The following PCSK4 variants were observed in gnomAD, a reference collection of about 807,000 sequenced individuals.
PCSK4 encodes testicular tissue protein Li 135.
PCSK4 carries 64 observed loss-of-function variants against 80.3 expected under a neutral mutation model. The observed-to-expected ratio is 0.80, with a 90% CI of 0.65 to 0.98. The LOEUF (loss-of-function observed/expected upper bound fraction) is 0.98, where lower values mean the gene tolerates loss of function less well. Ranked by LOEUF, PCSK4 falls within the 50% of genes least tolerant of loss-of-function variation. The probability of loss-of-function intolerance (pLI) is 0.00; values close to 1 mark genes in which losing one functional copy is unlikely to be tolerated. For synonymous variants in PCSK4, 561 were observed against 487.6 expected (o/e 1.15, Z -1.98); for missense variants, 1,213 against 1,093.6 (o/e 1.11, Z -1.54).
rs202052310 is a variant in PCSK4 at position 1,487,723 on chromosome 19, C to T, written c.594-32G>A. ...CCAGGGCCAAGAGGGGCTCCTGTCA[C>T]GGCCTCCATCCCCCTGCCGGGTACT... On this transcript the variant is annotated intron_variant, in intron 5 of 14. Transcript: ENST00000300954. 479 of 1,548,512 alleles carry T rather than the reference C, an allele frequency of 3.1e-4. 1 individual carries two copies. The highest frequency in any genetic ancestry group is 3.8e-4 in the Non-Finnish European group (432 of 1,144,326).
chr19:1,489,932 C>G, intron 1 of PCSK4, 35 bp from the exon 2 acceptor site: 1 of 1,573,162 alleles, frequency 6.4e-7, no homozygotes, highest in Non-Finnish European at 8.6e-7. Flanking sequence ...ACCGATGGGA[C>G]CCGGCTCCCC....
In PCSK4 at chr19:1,484,240, C is replaced by CT; in HGVS notation, c.1069-114_1069-113insA. ...CAGTGGCTCAGGCCTGTCATCCCAG[C>CT]ACTTTGGGAGGCTGAGGCGGGCGTG... On this transcript the variant is annotated intron_variant, in intron 8 of 14. Transcript: ENST00000300954. The CT allele has an allele frequency of 8.0e-6, 5 of 625,166 alleles. No individual in the cohort carries two copies. In the South Asian group the frequency reaches 8.8e-5, roughly 11 times the overall value. 38.7% of individuals were successfully genotyped at this position (625,166 alleles called of 1,614,324 possible). A position where few individuals can be genotyped will look rare whatever the true frequency, so the allele number is the denominator to read the frequency against.
In PCSK4 at chr19:1,483,953, G is replaced by A. The variant is rs1441000470; in HGVS notation, c.1170-12C>T. On this transcript the variant is annotated splice_polypyrimidine_tract_variant and intron_variant, in intron 9 of 14. Transcript: ENST00000300954. Reference sequence around the variant, plus strand: ...ACGTCAGGAACGGGCTGCGGGGGGCGGGGGCGGGGGCGGGTGAGCCGCCGG... The same window carrying A: ...ACGTCAGGAACGGGCTGCGGGGGGCAGGGGCGGGGGCGGGTGAGCCGCCGG... 6 of 1,426,588 alleles carry A rather than the reference G, an allele frequency of 4.2e-6. No individual in the cohort carries two copies. In the East Asian group the frequency reaches 1.2e-4, roughly 28 times the overall value. 88.4% of individuals were successfully genotyped at this position (1,426,588 alleles called of 1,614,324 possible).
intron 6 of PCSK4, 98 bp downstream of exon 6, chr19:1,487,505 G>A (rs2084692467): frequency 2.6e-6 from 3 of 1,132,766 alleles, no homozygotes; most frequent in South Asian, 1.4e-5. Flanking sequence ...ACCCAGCAGT[G>A]AGAGGGTGGG....
chr19:1,483,485 G>T (rs369832743), intron 11 of PCSK4, 22 bp from the exon 12 acceptor site: 76 of 1,288,694 alleles, frequency 5.9e-5, no homozygotes, highest in Admixed American at 9.0e-5. Context: ...GAGGGGTGAG[G>T]ACCCTCCTGC....
At chr19:1,490,104 G>A (rs574662849) in intron 1 of PCSK4, 54 bp downstream of exon 1, 10 of 1,603,454 alleles carry the variant, frequency 6.2e-6, no homozygotes, top group African/African-American at 1.3e-5. Flanking sequence ...CGGGGTCTAG[G>A]GTTGTTCAGT....
At chr19:1,486,919 G>A (rs1178961306) in exon 8 of PCSK4, 2 of 1,604,176 alleles carry the variant, frequency 1.2e-6, no homozygotes, top group Non-Finnish European at 1.7e-6. Flanking sequence ...AGGCTTCGCT[G>A]TACCAGGGCA....
At chr19:1,486,783 G>C (rs1442408588) in intron 8 of PCSK4, 70 bp downstream of exon 8, 2 of 1,299,086 alleles carry the variant, frequency 1.5e-6, no homozygotes, top group African/African-American at 2.9e-5. Context: ...CACAGTGGTG[G>C]GGACAGGAGG....
At chr19:1,484,755 G>A (rs1009889637) in intron 8 of PCSK4, among the ~76,000 whole-genome samples, 1 of 152,048 alleles carries the variant, frequency 6.6e-6, no homozygotes, top group Non-Finnish European at 1.5e-5. Context: ...AGAGGTTGCA[G>A]TGAGCCAAGA....
rs1333997155 is a variant in PCSK4, at chr19:1,483,774, G to A, written c.1274-7C>T. The A allele has an allele frequency of 1.3e-5, 20 of 1,575,276 alleles. No individual in the cohort carries two copies. Among genetic ancestry groups the A allele is most frequent in the Non-Finnish European group, 1.7e-5 (20 of 1,168,342 alleles). On this transcript the variant is annotated splice_region_variant and splice_polypyrimidine_tract_variant and intron_variant, in intron 10 of 14. Transcript: ENST00000300954. ...TATCCGTAGTGATGGCTCACTGCGCGGAAGGGCAGCAGTCACTCGCCCCGT... is the reference window on the plus strand; with the variant it reads ...TATCCGTAGTGATGGCTCACTGCGCAGAAGGGCAGCAGTCACTCGCCCCGT...
chr19:1,487,859 G>T, exon 5 of PCSK4: 2 of 1,544,004 alleles, frequency 1.3e-6, no homozygotes. Flanking sequence ...TGGCCAGGGG[G>T]TCCTGGGGGC....
intron 8 of PCSK4, among the ~76,000 whole-genome samples, chr19:1,484,724 A>C (rs1358739496): frequency 6.6e-6 from 1 of 150,884 alleles, no homozygotes; most frequent in East Asian, 1.9e-4. Flanking sequence ...GAGGCAAGAC[A>C]ATCACTTGAA....
At chr19:1,488,595 T>C (rs1262186009) in intron 2 of PCSK4, among the ~76,000 whole-genome samples, 3 of 152,156 alleles carry the variant, frequency 2.0e-5, no homozygotes, top group African/African-American at 7.2e-5. Context: ...TTTTTTCTTT[T>C]TTTGAGACAG....
exon 7 of PCSK4, chr19:1,487,293 T>C: frequency 6.3e-7 from 1 of 1,596,616 alleles, no homozygotes; most frequent in South Asian, 1.1e-5. Flanking sequence ...TCGGTGATGG[T>C]ACCGTCCAGC....
At chr19:1,482,127 C>T in exon 15 of PCSK4, 10 of 1,555,870 alleles carry the variant, frequency 6.4e-6, no homozygotes, top group Non-Finnish European at 7.8e-6. Flanking sequence ...CCAGCGGTCA[C>T]CAGCCTTGTG....
Position 1,487,739 on chromosome 19 carries a change from G to A in PCSK4, c.593+46C>T, listed in dbSNP as rs750261500. 6 of 1,546,072 alleles carry A rather than the reference G, an allele frequency of 3.9e-6. No individual in the cohort carries two copies. The South Asian group carries it at 7.1e-5, about 18-fold the overall frequency. ...CTCCTGTCACGGCCTCCATCCCCCTGCCGGGTACTGGGGCTTCCCCCGTGT... is the reference window on the plus strand; with the variant it reads ...CTCCTGTCACGGCCTCCATCCCCCTACCGGGTACTGGGGCTTCCCCCGTGT... On this transcript the variant is annotated intron_variant, in intron 5 of 14. Coordinates refer to ENST00000300954, the Ensembl canonical transcript of PCSK4.
chr19:1,486,382 T>C (rs924269681), intron 8 of PCSK4, among the ~76,000 whole-genome samples: 2 of 149,960 alleles, frequency 1.3e-5, no homozygotes, highest in African/African-American at 2.5e-5. Context: ...CTGCAAACCC[T>C]GCCTCCCGGG....
Position 1,482,206 on chromosome 19 carries a change from C to G in PCSK4, c.1821G>C (p.Ala607=), listed in dbSNP as rs368309763. The G allele has an allele frequency of 1.2e-4, 177 of 1,533,996 alleles. No individual in the cohort carries two copies. In the African/African-American group the frequency reaches 2.0e-3, roughly 17 times the overall value. The change falls in exon 15 of 15, where the codon GCG becomes GCC. Residue 607 remains alanine (A), a splice_region_variant and synonymous_variant. Transcript: ENST00000300954. ...CCAGGATGTAGGCGGGGCCGTCACA[C>G]GCTGCTCGGGGACACGCACGCAAAG... is the stretch of plus-strand genomic sequence containing the variant.
intron 6 of PCSK4, 68 bp downstream of exon 6, chr19:1,487,535 A>C (rs2084694610): frequency 1.4e-6 from 2 of 1,381,900 alleles, no homozygotes; most frequent in Non-Finnish European, 2.0e-6. Context: ...CCTTGGGCCC[A>C]GCTCCCCGCC....
Sources: gnomAD v4.1 joint callset for allele counts (sites outside exome capture counted in the v4.1 genomes callset) on GRCh38, gnomAD v4.1.1 for gene constraint, MANE v1.5 for transcripts, NCBI Gene and HGNC (gene_info 2026-07-23, HGNC 2026-07-21) for gene names.